The following MOCOS variants were observed in gnomAD, a reference collection of about 807,000 sequenced individuals.
MOCOS encodes molybdenum cofactor sulfurase.
In MOCOS, 86 loss-of-function variants were observed where a neutral mutation model predicts 83.6. The ratio of observed to expected loss-of-function variants is 1.03; its 90% CI spans 0.86 to 1.23. The LOEUF (loss-of-function observed/expected upper bound fraction) is 1.23. Ranked by LOEUF, MOCOS falls within the 50% of genes most tolerant of loss-of-function variation. The probability of loss-of-function intolerance (pLI) is 0.00; values close to 1 mark genes in which losing one functional copy is unlikely to be tolerated. For missense variants in MOCOS, 1,120 were observed against 1,126.9 expected (o/e 0.99, Z 0.09); for synonymous variants, 445 against 434.7 (o/e 1.02, Z -0.29).
At chr18:36,220,890 C>G (rs566971336) in intron 9 of MOCOS, among the ~76,000 whole-genome samples, 2 of 150,800 alleles carry the variant, frequency 1.3e-5, no homozygotes, top group African/African-American at 4.9e-5. Flanking sequence ...GATCGCACCA[C>G]TGCACTCCAG....
At chr18:36,187,794 A>G (rs1477610688) in intron 1 of MOCOS, 113 bp downstream of exon 1, 7 of 1,157,056 alleles carry the variant, frequency 6.0e-6, no homozygotes, top group Non-Finnish European at 7.6e-6. Context: ...TTGAATCGAA[A>G]CTCCAGGAGG....
At chr18:36,222,880 G>A (rs1188748462) in intron 9 of MOCOS, among the ~76,000 whole-genome samples, 2 of 152,186 alleles carry the variant, frequency 1.3e-5, no homozygotes, top group Middle Eastern at 3.2e-3. Flanking sequence ...GATTACAGGC[G>A]TGAGCCATCG....
intron 11 of MOCOS, among the ~76,000 whole-genome samples, chr18:36,252,464 G>A (rs1490577595): frequency 6.6e-6 from 1 of 152,104 alleles, no homozygotes; most frequent in Non-Finnish European, 1.5e-5. Flanking sequence ...AGGCTGAGGT[G>A]GGAGGATCAC....
intron 11 of MOCOS, among the ~76,000 whole-genome samples, chr18:36,254,585 A>G (rs760861915): frequency 2.7e-5 from 4 of 150,408 alleles, no homozygotes; most frequent in Non-Finnish European, 4.4e-5. Context: ...TTTCATATAT[A>G]TGTGTGTGTG....
At position 36,237,054 on chromosome 18, in the gene MOCOS, G is replaced by A. The variant is rs566608951; in HGVS notation, c.1961-11868G>A. Among the ~76,000 whole-genome samples the A allele has an allele frequency of 7.5e-5, 11 of 147,122 alleles. No homozygotes were observed. In the East Asian group the frequency reaches 1.8e-3, roughly 24 times the overall value. ...TGGGCTGAGACAATGGGGTTTTCTAGATATACAATCATGTCATCTGCAAAC... is the reference window on the plus strand; with the variant it reads ...TGGGCTGAGACAATGGGGTTTTCTAAATATACAATCATGTCATCTGCAAAC... On this transcript the variant is annotated intron_variant, in intron 9 of 14. Coordinates refer to ENST00000261326, the MANE Select transcript of MOCOS (RefSeq NM_017947.4).
Position 36,200,336 on chromosome 18 carries a change from AC to A in MOCOS, c.941+13del, listed in dbSNP as rs2091408656. ...TCGGTAGCTCAGAGGTAACCTTGCCACAGGGGAGGGGTCAGAGGAGTTCAGC... is the reference window on the plus strand; with the variant it reads ...TCGGTAGCTCAGAGGTAACCTTGCCAAGGGGAGGGGTCAGAGGAGTTCAGC... On this transcript the variant is annotated intron_variant, in intron 4 of 14. Transcript: ENST00000261326. 1 of 1,613,788 alleles carries A rather than the reference AC, an allele frequency of 6.2e-7. No individual in the cohort carries two copies. The highest frequency in any genetic ancestry group is 8.5e-7 in the Non-Finnish European group (1 of 1,180,000).
chr18:36,211,105 G>A (rs2091454032), intron 6 of MOCOS, among the ~76,000 whole-genome samples: 2 of 152,144 alleles, frequency 1.3e-5, no homozygotes, highest in African/African-American at 2.4e-5. Context: ...GTTCAAGAAA[G>A]TGCAGTTACG....
chr18:36,202,380 G>A (rs2091418008), intron 4 of MOCOS, among the ~76,000 whole-genome samples: 1 of 152,140 alleles, frequency 6.6e-6, no homozygotes, highest in Non-Finnish European at 1.5e-5. Context: ...CTTGCTTTTT[G>A]TAGAGATGGG....
intron 9 of MOCOS, among the ~76,000 whole-genome samples, chr18:36,238,852 C>T (rs558691978): frequency 7.3e-6 from 1 of 136,436 alleles, no homozygotes; most frequent in African/African-American, 2.7e-5. Flanking sequence ...GGATAGTTAG[C>T]TCTTCTTGTT....
In MOCOS at chr18:36,271,399, C is replaced by T. The variant is rs2091698650; in HGVS notation, c.*2714C>T. On this transcript the variant is annotated 3_prime_UTR_variant, in exon 15 of 15. Transcript: ENST00000261326. ...AAAATGAATTTTAAATGCATTTTTT[C>T]TTTAGTGTCTACCTTCAATATTTCT... 1 of 151,826 alleles carries T rather than the reference C, an allele frequency of 6.6e-6. No individual in the cohort carries two copies. Among genetic ancestry groups the T allele is most frequent in the Non-Finnish European group, 1.5e-5 (1 of 67,956 alleles). The allele number at this position is 151,826 out of a possible 1,614,324, so 9.4% of individuals were successfully genotyped here. A position where few individuals can be genotyped will look rare whatever the true frequency, so the allele number is the denominator to read the frequency against.
intron 6 of MOCOS, among the ~76,000 whole-genome samples, chr18:36,206,894 A>G (rs1156326096): frequency 6.6e-6 from 1 of 152,210 alleles, no homozygotes; most frequent in Non-Finnish European, 1.5e-5. Flanking sequence ...TGATGGGCAT[A>G]TAGGTTGATT....
chr18:36,201,674 A>AAAAAAAAAG (rs1205619664), intron 4 of MOCOS, among the ~76,000 whole-genome samples: 2 of 147,922 alleles, frequency 1.4e-5, no homozygotes, highest in Admixed American at 6.7e-5. Flanking sequence ...AAAAAAAAAA[A>AAAAAAAAAG]AAAAAGAAAT....
At chr18:36,208,615 A>T (rs1290063324) in intron 6 of MOCOS, among the ~76,000 whole-genome samples, 1 of 152,222 alleles carries the variant, frequency 6.6e-6, no homozygotes, top group Non-Finnish European at 1.5e-5. Context: ...GTGTATAAAA[A>T]TGCTACTGAT....
intron 9 of MOCOS, among the ~76,000 whole-genome samples, chr18:36,241,270 AAAC>A (rs1275929365): frequency 6.6e-6 from 1 of 152,188 alleles, no homozygotes; most frequent in African/African-American, 2.4e-5. Flanking sequence ...GTCAAAGAAA[AAAC>A]AAGTTAGTTC....
At chr18:36,233,928 G>C (rs2091548195) in intron 9 of MOCOS, among the ~76,000 whole-genome samples, 1 of 151,974 alleles carries the variant, frequency 6.6e-6, no homozygotes, top group African/African-American at 2.4e-5. Context: ...TAGAATTCTG[G>C]ATATTAGTCC....
chr18:36,203,081 C>T (rs757169192), intron 4 of MOCOS, 32 bp from the exon 5 acceptor site: 2 of 1,595,244 alleles, frequency 1.3e-6, no homozygotes, highest in East Asian at 2.2e-5. Flanking sequence ...TTGACCACAG[C>T]TTGACCTGTT....
rs187144838 is a variant in MOCOS at position 36,210,788 on chromosome 18, T to G, written c.1219-2578T>G. ...ATCACTTGAACCCGAGAGGTGGAAG[T>G]TGCCATGAGCTGAGATTGTACCACT... On this transcript the variant is annotated intron_variant, in intron 6 of 14. Coordinates refer to ENST00000261326, the MANE Select transcript of MOCOS (RefSeq NM_017947.4). Among the ~76,000 whole-genome samples the G allele has an allele frequency of 1.5e-3, 208 of 136,356 alleles. 1 individual carries two copies. Among genetic ancestry groups the G allele is most frequent in the African/African-American group, 5.1e-3 (182 of 35,438 alleles). 89.5% of individuals were successfully genotyped at this position (136,356 alleles called of 152,430 possible). A position where few individuals can be genotyped will look rare whatever the true frequency, so the allele number is the denominator to read the frequency against.
intron 10 of MOCOS, among the ~76,000 whole-genome samples, chr18:36,249,688 A>T (rs484442): frequency 0.34 from 51,368 of 151,872 alleles, 9,871 homozygotes; most frequent in Admixed American, 0.46. Context: ...TTAGCAACAC[A>T]GGTGAGACAA....
Position 36,218,841 on chromosome 18 carries a change from A to AT in MOCOS, c.1798-1211dup, listed in dbSNP as rs774734382. Among the ~76,000 whole-genome samples the AT allele has an allele frequency of 3.7e-4, 39 of 104,050 alleles. 1 individual carries two copies. The highest frequency in any genetic ancestry group is 4.8e-3 in the Middle Eastern group (1 of 208). 68.3% of individuals were successfully genotyped at this position (104,050 alleles called of 152,430 possible). On this transcript the variant is annotated intron_variant, in intron 8 of 14. Transcript: ENST00000261326. ...AGCTCTACTCACTTTATTTTATTTT[A>AT]TTTATTTATTTATTTATTTATTTAT... is the stretch of plus-strand genomic sequence containing the variant.
Sources: allele counts gnomAD v4.1 joint callset (sites outside exome capture counted in the v4.1 genomes callset), GRCh38; gene constraint gnomAD v4.1.1; transcripts MANE v1.5; gene names NCBI Gene and HGNC (gene_info 2026-07-23, HGNC 2026-07-21).